MARCHF7: variants seen among roughly 807,000 people sequenced by gnomAD.
MARCHF7 encodes the protein membrane associated ring-CH-type finger 7, also known as E3 ubiquitin-protein ligase MARCHF7.
Under a neutral mutation model 76.5 loss-of-function variants are expected in MARCHF7, and 20 were observed. The observed-to-expected ratio is 0.26, with a 90% CI of 0.18 to 0.38. The LOEUF (loss-of-function observed/expected upper bound fraction) is 0.38, where lower values mean the gene tolerates loss of function less well. Among genes scored for constraint, MARCHF7 ranks in the 10% least tolerant of loss-of-function variants. The pLI is 1.00. For missense variants in MARCHF7, 797 were observed against 812.9 expected, an observed-to-expected ratio of 0.98 and a Z score of 0.24; for synonymous variants, 295 against 293.0, an observed-to-expected ratio of 1.01 and a Z score of -0.07.
In MARCHF7 at chr2:159,767,585, T is replaced by C. The variant is rs1707947346; in HGVS notation, c.*243T>C. On this transcript the variant is annotated 3_prime_UTR_variant, in exon 12 of 12. Coordinates refer to ENST00000409175, the MANE Select transcript of MARCHF7 (RefSeq NM_001282805.2). ...TATAAACTGGTAATCAAAAAGGTTT[T>C]TTCTTTTAGGTGAGTGGGAAAGTAT... 2.9e-6 allele frequency: 1 copy of C among 339,956 alleles called. No homozygotes were observed. Among genetic ancestry groups the C allele is most frequent in the African/African-American group, 2.2e-5 (1 of 46,440 alleles). 21.1% of individuals were successfully genotyped at this position (339,956 alleles called of 1,614,324 possible).
intron 3 of MARCHF7, among the ~76,000 whole-genome samples, chr2:159,719,630 C>T (rs190638360): frequency 4.9e-4 from 74 of 152,240 alleles, no homozygotes; most frequent in Admixed American, 1.4e-3. Context: ...CTTATTTCCT[C>T]CTTCCCCAGT....
At chr2:159,721,897 G>C (rs564480597) in intron 3 of MARCHF7, among the ~76,000 whole-genome samples, 2 of 152,104 alleles carry the variant, frequency 1.3e-5, no homozygotes, top group Admixed American at 1.3e-4. Context: ...TACAAAATCA[G>C]CCCTGGTGAT....
intron 4 of MARCHF7, chr2:159,732,740 C>G: frequency 3.4e-6 from 2 of 596,648 alleles, no homozygotes; most frequent in Non-Finnish European, 4.2e-6. Flanking sequence ...CTGTGTTGCC[C>G]AGGCTGGATT....
chr2:159,744,284 G>A (rs551300445), intron 5 of MARCHF7, among the ~76,000 whole-genome samples: 18 of 152,206 alleles, frequency 1.2e-4, no homozygotes, highest in African/African-American at 3.1e-4. Flanking sequence ...CACCGCGCCC[G>A]GCCTAGTAGG....
chr2:159,717,535 A>G (rs1701174892), intron 3 of MARCHF7, among the ~76,000 whole-genome samples: 1 of 152,286 alleles, frequency 6.6e-6, no homozygotes, highest in South Asian at 2.1e-4. Context: ...AGTCATACTC[A>G]GGTAATCTGA....
chr2:159,734,815 A>G (rs1703256641), intron 4 of MARCHF7, among the ~76,000 whole-genome samples: 1 of 142,534 alleles, frequency 7.0e-6, no homozygotes, highest in Non-Finnish European at 1.5e-5. Context: ...TAAAAATAAA[A>G]TGAAAAAAAA....
rs939110861 is a variant in MARCHF7, at chr2:159,768,463, A to T, written c.*1121A>T. ...GTTATGGCAACAAACTACTTTTTCAAACCTAAATAGGAACCATGTAATTTC... is the reference window on the plus strand; with the variant it reads ...GTTATGGCAACAAACTACTTTTTCATACCTAAATAGGAACCATGTAATTTC... On this transcript the variant is annotated 3_prime_UTR_variant, in exon 12 of 12. Transcript: ENST00000409175. The T allele has an allele frequency of 6.6e-6, 1 of 152,568 alleles. No individual in the cohort carries two copies. Among genetic ancestry groups the T allele is most frequent in the Admixed American group, 6.5e-5 (1 of 15,282 alleles). The allele number at this position is 152,568 out of a possible 1,614,324, so 9.5% of individuals were successfully genotyped here.
chr2:159,761,406 C>CTTTTTTT (rs747902045), intron 9 of MARCHF7, among the ~76,000 whole-genome samples: 1,267 of 73,752 alleles, frequency 0.017, 175 homozygotes, highest in Admixed American at 0.024. Context: ...TGAATCATTT[C>CTTTTTTT]TTTTTTTTTT....
intron 4 of MARCHF7, among the ~76,000 whole-genome samples, chr2:159,737,761 C>T (rs1323258263): frequency 6.6e-6 from 1 of 152,120 alleles, no homozygotes; most frequent in African/African-American, 2.4e-5. Flanking sequence ...GCATTCTAGC[C>T]TGGGCAACAG....
intron 3 of MARCHF7, among the ~76,000 whole-genome samples, chr2:159,724,249 C>T (rs959708843): frequency 6.6e-6 from 1 of 152,108 alleles, no homozygotes; most frequent in Non-Finnish European, 1.5e-5. Context: ...GTTCTGATTA[C>T]GTTCTCTTTG....
intron 3 of MARCHF7, among the ~76,000 whole-genome samples, chr2:159,721,691 C>G (rs575775749): frequency 1.3e-5 from 2 of 152,314 alleles, no homozygotes; most frequent in South Asian, 4.1e-4. Context: ...AGCCTCTTGT[C>G]AGTGCCTCCC....
In MARCHF7 at chr2:159,723,450, T is replaced by C. The variant is rs1437839448; in HGVS notation, c.-14-5559T>C. 3.3e-5 allele frequency among the ~76,000 whole-genome samples: 5 copies of C among 152,360 alleles called. No homozygotes were observed. The East Asian group carries it at 7.7e-4, about 23-fold the overall frequency. ...ACTGTTCTGGGCAAGTGGGGAAATA[T>C]GGTCATCCTGCTTCTAAGGAAAAGA... On this transcript the variant is annotated intron_variant, in intron 3 of 11. Coordinates refer to ENST00000409175, the MANE Select transcript of MARCHF7 (RefSeq NM_001282805.2).
At chr2:159,713,669 A>G (rs1700600296) in intron 1 of MARCHF7, among the ~76,000 whole-genome samples, 2 of 152,292 alleles carry the variant, frequency 1.3e-5, no homozygotes, top group South Asian at 4.1e-4. Flanking sequence ...TGAGGTAGCA[A>G]AAAGTTTGTT....
At chr2:159,750,772 CTT>C (rs1189209667) in intron 7 of MARCHF7, among the ~76,000 whole-genome samples, 2 of 151,400 alleles carry the variant, frequency 1.3e-5, no homozygotes, top group Non-Finnish European at 1.5e-5. Flanking sequence ...GAAGAAAAGA[CTT>C]ATATAAAGTT....
intron 4 of MARCHF7, among the ~76,000 whole-genome samples, chr2:159,737,987 G>A (rs35475395): frequency 0.064 from 9,753 of 152,270 alleles, 406 homozygotes; most frequent in Middle Eastern, 0.18. Context: ...CTGCCTACTC[G>A]GACTGGCAGG....
intron 5 of MARCHF7, among the ~76,000 whole-genome samples, chr2:159,744,763 C>T (rs1261461694): frequency 1.3e-5 from 2 of 152,124 alleles, no homozygotes; most frequent in East Asian, 3.8e-4. Flanking sequence ...TTGTTCTCTT[C>T]TGCTATGTGA....
In MARCHF7 at chr2:159,769,926, T is replaced by TG. The variant is rs1161494559; in HGVS notation, c.*2585dup. 6.6e-6 allele frequency: 1 copy of TG among 152,204 alleles called. No homozygotes were observed. The highest frequency in any genetic ancestry group is 1.5e-5 in the Non-Finnish European group (1 of 68,040). The allele number at this position is 152,204 out of a possible 1,614,324, so 9.4% of individuals were successfully genotyped here. ...CACCTGTGATTTGAACACTTGACAA[T>TG]GTGGCTAATGTAATTCGAAAACTGG... On this transcript the variant is annotated 3_prime_UTR_variant, in exon 12 of 12. Transcript: ENST00000409175.
chr2:159,718,997 T>C (rs997134840), intron 3 of MARCHF7, among the ~76,000 whole-genome samples: 3 of 152,090 alleles, frequency 2.0e-5, no homozygotes, highest in Non-Finnish European at 4.4e-5. Flanking sequence ...TTGCTTATTA[T>C]TATTATTTTC....
chr2:159,730,137 A>G (rs1702611645), intron 4 of MARCHF7, among the ~76,000 whole-genome samples: 1 of 152,180 alleles, frequency 6.6e-6, no homozygotes, highest in African/African-American at 2.4e-5. Context: ...TCTGGCTCAA[A>G]TGACTCTCCC....
Sources: allele counts gnomAD v4.1 joint callset (sites outside exome capture counted in the v4.1 genomes callset), GRCh38; gene constraint gnomAD v4.1.1; transcripts MANE v1.5; gene names NCBI Gene and HGNC (gene_info 2026-07-23, HGNC 2026-07-21).